Variants in CTNNA1 observed in about 807,000 individuals in gnomAD.
CTNNA1 encodes the protein catenin alpha-1.
CTNNA1 carries 37 observed loss-of-function variants against 98.4 expected under a neutral mutation model. The ratio of observed to expected loss-of-function variants is 0.38; its 90% confidence interval spans 0.29 to 0.49. CTNNA1 has a LOEUF of 0.49. Ranked by LOEUF, CTNNA1 falls within the 20% of genes least tolerant of loss-of-function variation. CTNNA1 has a pLI of 0.95. For missense variants in CTNNA1, 761 were observed against 1,147.2 expected (o/e 0.66, Z 4.86); for synonymous variants, 404 against 413.2 (o/e 0.98, Z 0.27).
chr5:138,791,610 C>A (rs1289199443), intron 3 of CTNNA1, among the ~76,000 whole-genome samples: 1 of 65,240 alleles, frequency 1.5e-5, no homozygotes, highest in Admixed American at 2.3e-4. Context: ...AGCAAGACTC[C>A]GTCTCAAAAA....
At chr5:138,781,322 A>C (rs1755080155) in intron 1 of CTNNA1, among the ~76,000 whole-genome samples, 1 of 152,122 alleles carries the variant, frequency 6.6e-6, no homozygotes, top group African/African-American at 2.4e-5. Context: ...AGGCCGAGGC[A>C]GGTGGATCAT....
chr5:138,901,553 T>G (rs1758034374), intron 9 of CTNNA1, among the ~76,000 whole-genome samples: 1 of 151,020 alleles, frequency 6.6e-6, no homozygotes, highest in South Asian at 2.1e-4. Context: ...GCCTTCCAAT[T>G]AGCTGGGACT....
chr5:138,811,000 G>A (rs868460851), intron 4 of CTNNA1, among the ~76,000 whole-genome samples: 4,697 of 150,092 alleles, frequency 0.031, 172 homozygotes, highest in African/African-American at 0.1. Flanking sequence ...CGGACGGGGC[G>A]GCTGGCCTGG....
chr5:138,829,579 G>T (rs1218124687), intron 7 of CTNNA1, among the ~76,000 whole-genome samples: 1 of 152,208 alleles, frequency 6.6e-6, no homozygotes, highest in East Asian at 1.9e-4. Context: ...GAGTAACCTT[G>T]AGGTTTCGAA....
At chr5:138,894,194 C>T (rs1756182843) in intron 9 of CTNNA1, among the ~76,000 whole-genome samples, 2 of 152,114 alleles carry the variant, frequency 1.3e-5, no homozygotes, top group Admixed American at 1.3e-4. Context: ...GCTAGGATTA[C>T]AGGTGTGAGC....
At chr5:138,769,053 C>CT (rs1184272886) in intron 1 of CTNNA1, among the ~76,000 whole-genome samples, 2 of 151,782 alleles carry the variant, frequency 1.3e-5, no homozygotes, top group Admixed American at 6.6e-5. Context: ...TGTTTTCTTT[C>CT]TTTTTTTTGT....
At chr5:138,880,916 G>A in intron 7 of CTNNA1, 3 of 400,770 alleles carry the variant, frequency 7.5e-6, no homozygotes, top group Non-Finnish European at 1.5e-5. Flanking sequence ...TGGAGGGGCA[G>A]TGACAAGTGA....
chr5:138,755,448 T>G (rs529395315), intron 1 of CTNNA1, among the ~76,000 whole-genome samples: 23 of 152,252 alleles, frequency 1.5e-4, no homozygotes, highest in Non-Finnish European at 2.9e-4. Flanking sequence ...CATCTCAGTT[T>G]CTTTCTTTTC....
chr5:138,801,082 G>A (rs1219112095), intron 3 of CTNNA1, among the ~76,000 whole-genome samples: 1 of 152,190 alleles, frequency 6.6e-6, no homozygotes, highest in African/African-American at 2.4e-5. Flanking sequence ...AACTGCTCAG[G>A]TGGAGATGAT....
intron 3 of CTNNA1, among the ~76,000 whole-genome samples, chr5:138,807,601 T>C (rs1381527641): frequency 6.6e-6 from 1 of 152,062 alleles, no homozygotes; most frequent in Non-Finnish European, 1.5e-5. Context: ...GGCAGGGATG[T>C]TATGTTCAGC....
chr5:138,930,566 G>A lies in CTNNA1; in HGVS notation c.2104G>A (p.Val702Met). The change falls in exon 15 of 18, where the codon GTG becomes ATG. Residue 702 changes from valine to methionine, a missense_variant. Val to Met is a conservative substitution (Grantham distance 21). Transcript: ENST00000302763. The stretch of plus-strand genomic sequence containing the variant: ...AGAAAAGAGCAAGCTGGATGCTGAA[G>A]TGTCCAAATGGGACGACAGTGGCAA... ...QEEKSKLDAE[V>M]SKWDDSGNDI... 6.2e-7 allele frequency: 1 copy of A among 1,614,120 alleles called. No homozygotes were observed. Among genetic ancestry groups the A allele is most frequent in the South Asian group, 1.1e-5 (1 of 91,088 alleles).
chr5:138,797,961 G>C (rs1757150934), intron 3 of CTNNA1, among the ~76,000 whole-genome samples: 1 of 152,066 alleles, frequency 6.6e-6, no homozygotes, highest in South Asian at 2.1e-4. Context: ...TAGCACAAAA[G>C]GAACAATTAT....
intron 3 of CTNNA1, 111 bp from the exon 4 acceptor site, chr5:138,809,927 T>C: frequency 7.4e-7 from 1 of 1,356,816 alleles, no homozygotes; most frequent in Non-Finnish European, 9.7e-7. Flanking sequence ...ACTCTTAAAC[T>C]AAATTTGTGC....
rs188705575 is a variant in CTNNA1, at chr5:138,874,351, G to A, written c.1063-11861G>A. The A allele has an allele frequency of 6.2e-7, 1 of 1,613,906 alleles. No individual in the cohort carries two copies. Among genetic ancestry groups the A allele is most frequent in the Non-Finnish European group, 8.5e-7 (1 of 1,179,910 alleles). On this transcript the variant is annotated intron_variant, in intron 7 of 17. Coordinates refer to ENST00000302763, the MANE Select transcript of CTNNA1 (RefSeq NM_001903.5). This position sits in a 1 kb window ranked among gnomAD's most constrained non-coding sequence, Gnocchi z 4.1. Reference sequence around the variant, plus strand: ...CTCTTTCGAGCTCTGTGATGTGATTGTGCCTCAGGGACAGGCCCAGAGAGC... The same window carrying A: ...CTCTTTCGAGCTCTGTGATGTGATTATGCCTCAGGGACAGGCCCAGAGAGC...
At chr5:138,834,975 A>G (rs1027229596) in intron 7 of CTNNA1, among the ~76,000 whole-genome samples, 4 of 152,172 alleles carry the variant, frequency 2.6e-5, no homozygotes, top group African/African-American at 9.7e-5. Flanking sequence ...GGTGGATCTT[A>G]TGAAGTACAT....
At chr5:138,925,466 AGCAATGCGTCATTCTAGAACTCG>A (rs1223528851) in intron 13 of CTNNA1, 59 bp downstream of exon 13, 2 of 1,585,012 alleles carry the variant, frequency 1.3e-6, no homozygotes, top group Non-Finnish European at 1.7e-6. Flanking sequence ...GCTAAACTTG[AGCAATGCGTCATTCTAGAACTCG>A]GCAGATGCGG....
At chr5:138,802,730 G>A (rs893529497) in intron 3 of CTNNA1, among the ~76,000 whole-genome samples, 2 of 152,130 alleles carry the variant, frequency 1.3e-5, no homozygotes, top group African/African-American at 4.8e-5. Context: ...ATTAAGTGGT[G>A]AAGCTGTGGT....
intron 7 of CTNNA1, among the ~76,000 whole-genome samples, chr5:138,879,171 T>TGA (rs1294788455): frequency 1.2e-5 from 1 of 80,318 alleles, no homozygotes; most frequent in African/African-American, 5.1e-5. Context: ...ACTCCGTCTT[T>TGA]AAAAAAAAAA....
chr5:138,789,832 TC>T (rs1250420498), intron 3 of CTNNA1, among the ~76,000 whole-genome samples: 1 of 152,172 alleles, frequency 6.6e-6, no homozygotes, highest in Non-Finnish European at 1.5e-5. Flanking sequence ...ATGGTTCAGG[TC>T]CCATATGCTT....
Sources: gnomAD v4.1 joint callset for allele counts (sites outside exome capture counted in the v4.1 genomes callset) on GRCh38, gnomAD v4.1.1 for gene constraint, Gnocchi (gnomAD v3.1) non-coding constraint, MANE v1.5 for transcripts, NCBI Gene and HGNC (gene_info 2026-07-23, HGNC 2026-07-21) for gene names.